Variants in DMD observed in about 807,000 individuals in gnomAD.
DMD encodes the protein dystrophin.
DMD carries 63 observed loss-of-function variants against 330.1 expected under a neutral mutation model. The observed-to-expected ratio is 0.19, with a 90% CI of 0.16 to 0.24. DMD has a LOEUF of 0.24. Ranked by LOEUF, DMD falls within the 10% of genes least tolerant of loss-of-function variation. The pLI, the probability that DMD is intolerant of heterozygous loss-of-function variation, is 1.00. For synonymous variants in DMD, 1,223 were observed against 959.8 expected (o/e 1.27, Z -5.07); for missense variants, 3,344 against 2,684.1 (o/e 1.25, Z -5.43).
chrX:31,132,065 C>T (rs1196456109), intron 77 of DMD, among the ~76,000 whole-genome samples: 4 of 111,994 alleles, frequency 3.6e-5, no homozygotes, highest in Non-Finnish European at 7.5e-5. Context: ...TAAGCCGGAA[C>T]TTAAGTTAAT....
intron 60 of DMD, among the ~76,000 whole-genome samples, chrX:31,388,352 T>G (rs993549634): frequency 9.0e-6 from 1 of 110,525 alleles, no homozygotes. Context: ...GGGCAGGGGT[T>G]TTGTCTTGTT....
chrX:32,620,003 C>T (rs760935629), intron 11 of DMD, among the ~76,000 whole-genome samples: 1 of 111,712 alleles, frequency 9.0e-6, no homozygotes, highest in South Asian at 3.8e-4. Flanking sequence ...CTTTCACCCT[C>T]TTGCCAGTGC....
chrX:31,252,906 G>A (rs780295236), intron 63 of DMD, among the ~76,000 whole-genome samples: 10 of 111,383 alleles, frequency 9.0e-5, no homozygotes, highest in East Asian at 5.6e-4. Flanking sequence ...CAGGAGAATC[G>A]CTTGAACGCG....
At chrX:32,619,374 A>ACC (rs2057822165) in intron 11 of DMD, among the ~76,000 whole-genome samples, 1 of 111,327 alleles carries the variant, frequency 9.0e-6, no homozygotes, top group Non-Finnish European at 1.9e-5. Flanking sequence ...CAAAATATTC[A>ACC]AGTGATGTAT....
At chrX:32,041,318 C>T (rs748665774) in intron 44 of DMD, among the ~76,000 whole-genome samples, 2 of 111,886 alleles carry the variant, frequency 1.8e-5, no homozygotes, top group Non-Finnish European at 3.8e-5. Flanking sequence ...TCTCTCCCCC[C>T]TTCCTGGTGA....
intron 44 of DMD, among the ~76,000 whole-genome samples, chrX:31,989,505 T>G (rs1262744505): frequency 9.0e-6 from 1 of 111,585 alleles, no homozygotes; most frequent in Non-Finnish European, 1.9e-5. Context: ...AAAGCTCAAA[T>G]GAATCTATTT....
intron 34 of DMD, among the ~76,000 whole-genome samples, chrX:32,378,015 G>A (rs1008511199): frequency 1.8e-5 from 2 of 110,402 alleles, no homozygotes; most frequent in Non-Finnish European, 3.8e-5. Flanking sequence ...CATTCTTATT[G>A]TTTATTATAA....
At chrX:32,289,205 G>C (rs182713840) in intron 42 of DMD, among the ~76,000 whole-genome samples, 7 of 111,206 alleles carry the variant, frequency 6.3e-5, no homozygotes, top group Admixed American at 9.6e-5. Context: ...CCATTTATCA[G>C]TTATGAATGG....
chrX:31,167,005 G>A (rs1192336005), intron 74 of DMD, among the ~76,000 whole-genome samples: 12 of 111,592 alleles, frequency 1.1e-4, no homozygotes, highest in Non-Finnish European at 1.5e-4. Flanking sequence ...AGGGTAAAGC[G>A]GTTATCGCTG....
intron 7 of DMD, among the ~76,000 whole-genome samples, chrX:32,723,973 C>A (rs1275770180): frequency 2.7e-5 from 3 of 111,274 alleles, no homozygotes; most frequent in African/African-American, 9.8e-5. Flanking sequence ...ACATGTAGCC[C>A]ATGGGCTGTG....
intron 44 of DMD, among the ~76,000 whole-genome samples, chrX:32,008,669 T>C (rs1237884593): frequency 8.9e-6 from 1 of 111,755 alleles, no homozygotes; most frequent in East Asian, 2.8e-4. Context: ...GTCTCAAAAA[T>C]GCTGCATGAA....
chrX:31,644,480 A>T (rs1402296688), intron 54 of DMD, among the ~76,000 whole-genome samples: 1 of 111,598 alleles, frequency 9.0e-6, no homozygotes, highest in East Asian at 2.8e-4. Flanking sequence ...TCTGTCATAA[A>T]TATTTTGATA....
At chrX:32,028,173 A>G in intron 44 of DMD, among the ~76,000 whole-genome samples, 1 of 111,655 alleles carries the variant, frequency 9.0e-6, no homozygotes, top group South Asian at 3.8e-4. Flanking sequence ...GTAGGACCTG[A>G]TAAATGAACG....
intron 74 of DMD, among the ~76,000 whole-genome samples, chrX:31,168,809 A>G (rs923415854): frequency 8.9e-6 from 1 of 111,990 alleles, no homozygotes; most frequent in Non-Finnish European, 1.9e-5. Context: ...TCCTGACACA[A>G]TACAGTACCC....
At chrX:31,758,062 C>T (rs1479374023) in intron 51 of DMD, among the ~76,000 whole-genome samples, 2 of 110,830 alleles carry the variant, frequency 1.8e-5, no homozygotes, top group East Asian at 2.9e-4. Flanking sequence ...AATAGACATA[C>T]TGCATGCTCA....
intron 39 of DMD, among the ~76,000 whole-genome samples, chrX:32,344,293 T>G (rs1343400319): frequency 8.9e-6 from 1 of 111,777 alleles, no homozygotes; most frequent in East Asian, 2.8e-4. Context: ...ATTGGAAAAT[T>G]TTGACCTTCT....
intron 55 of DMD, among the ~76,000 whole-genome samples, chrX:31,543,024 G>A (rs1272352801): frequency 8.9e-6 from 1 of 112,359 alleles, no homozygotes; most frequent in Non-Finnish European, 1.9e-5. Flanking sequence ...CAAAGGACAT[G>A]GGACGCCTCC....
At chrX:32,109,837 T>G (rs1365139232) in intron 44 of DMD, among the ~76,000 whole-genome samples, 1 of 111,941 alleles carries the variant, frequency 8.9e-6, no homozygotes, top group Non-Finnish European at 1.9e-5. Context: ...ATTATTTTGT[T>G]TCTAATGTCT....
At chrX:32,300,257 G>T (rs750163279) in intron 42 of DMD, among the ~76,000 whole-genome samples, 1 of 111,545 alleles carries the variant, frequency 9.0e-6, no homozygotes, top group Non-Finnish European at 1.9e-5. Flanking sequence ...ATTCAGGTAT[G>T]GTCAGACGTG....
Sources: gnomAD v4.1 joint callset for allele counts (sites outside exome capture counted in the v4.1 genomes callset) on GRCh38, gnomAD v4.1.1 for gene constraint, MANE v1.5 for transcripts, NCBI Gene and HGNC (gene_info 2026-07-23, HGNC 2026-07-21) for gene names.